FBXO25: variants seen among roughly 807,000 people sequenced by gnomAD.
FBXO25 encodes the protein F-box protein 25.
FBXO25 carries 45 observed loss-of-function variants against 51.9 expected under a neutral mutation model. The observed-to-expected ratio is 0.87, with a 90% CI of 0.68 to 1.11. FBXO25 has a LOEUF of 1.11. Among genes scored for constraint, FBXO25 ranks in the 50% most tolerant of loss-of-function variants. The pLI is 0.00. For synonymous variants in FBXO25, 199 were observed against 151.0 expected (o/e 1.32, Z -2.33); for missense variants, 507 against 428.5 (o/e 1.18, Z -1.62).
intron 7 of FBXO25, among the ~76,000 whole-genome samples, chr8:454,822 C>T (rs893951000): frequency 6.8e-6 from 1 of 146,932 alleles, no homozygotes; most frequent in Non-Finnish European, 1.5e-5. Flanking sequence ...ACCCAGGAAG[C>T]AGAGGTTGCA....
rs1798021003 is a variant in FBXO25, at chr8:435,033, A to G, written c.289-582A>G. Reference sequence around the variant, plus strand: ...CCTCTCCATCCCAATGCTGGTTTTCAGAAGCACCTTCTTGCTACCGAAGCA... The same window carrying G: ...CCTCTCCATCCCAATGCTGGTTTTCGGAAGCACCTTCTTGCTACCGAAGCA... On this transcript the variant is annotated intron_variant, in intron 4 of 9. Coordinates refer to ENST00000350302, the MANE Select transcript of FBXO25 (RefSeq NM_183420.2). Among the ~76,000 whole-genome samples the G allele has an allele frequency of 2.6e-5, 4 of 152,136 alleles. No individual in the cohort carries two copies. In the South Asian group the frequency reaches 6.2e-4, roughly 24 times the overall value.
At chr8:446,687 T>C (rs1798757927) in intron 5 of FBXO25, among the ~76,000 whole-genome samples, 2 of 152,224 alleles carry the variant, frequency 1.3e-5, no homozygotes, top group African/African-American at 4.8e-5. Context: ...AATTTTAACA[T>C]TGGTCTTCTC....
chr8:409,564 G>C (rs562804535), intron 1 of FBXO25, among the ~76,000 whole-genome samples: 1 of 152,308 alleles, frequency 6.6e-6, no homozygotes, highest in Admixed American at 6.5e-5. Context: ...ATGTTATAAA[G>C]ATTGTGAAAC....
At chr8:442,107 T>A (rs531035122) in intron 5 of FBXO25, among the ~76,000 whole-genome samples, 1 of 152,218 alleles carries the variant, frequency 6.6e-6, no homozygotes, top group African/African-American at 2.4e-5. Context: ...CTCTGGTGAG[T>A]GTTGTTTTAA....
chr8:451,385 A>G lies in FBXO25; in HGVS notation c.592A>G (p.Ile198Val), dbSNP rs776934257. ...GTCTGTATTAGTGGGAAACATCAAT[A>G]TTTGGATTTGCCGATTAGAAACTAT... is the stretch of plus-strand genomic sequence containing the variant. ...GKSVLVGNIN[I>V]WICRLETILA... is the part of the protein sequence containing the mutation. The change falls in exon 7 of 10, where the codon ATT becomes GTT. Residue 198 changes from isoleucine (I) to valine (V), a missense_variant. Transcript: ENST00000350302. 16 of 1,614,048 alleles carry G rather than the reference A, an allele frequency of 9.9e-6. No homozygotes were observed. Among genetic ancestry groups the G allele is most frequent in the Middle Eastern group, 1.7e-4 (1 of 6,058 alleles).
At chr8:429,972 C>T (rs1167194187) in intron 2 of FBXO25, among the ~76,000 whole-genome samples, 1 of 152,238 alleles carries the variant, frequency 6.6e-6, no homozygotes, top group Non-Finnish European at 1.5e-5. Flanking sequence ...GAGTTGGTTC[C>T]AGCTCAGTGT....
intron 8 of FBXO25, among the ~76,000 whole-genome samples, chr8:459,326 C>T (rs1157999307): frequency 6.6e-6 from 1 of 152,188 alleles, no homozygotes; most frequent in Non-Finnish European, 1.5e-5. Flanking sequence ...CATAGCCTAC[C>T]CTTGGAATGC....
chr8:425,540 C>T (rs913209997), intron 2 of FBXO25, among the ~76,000 whole-genome samples: 5 of 151,488 alleles, frequency 3.3e-5, no homozygotes, highest in South Asian at 2.1e-4. Flanking sequence ...AATAATTCCC[C>T]TCTTTCTTTT....
intron 5 of FBXO25, among the ~76,000 whole-genome samples, chr8:441,168 A>G (rs527513204): frequency 1.3e-5 from 2 of 152,184 alleles, no homozygotes; most frequent in South Asian, 2.1e-4. Flanking sequence ...CAAAACAGAT[A>G]TATAGACCAA....
At chr8:467,853 C>A in intron 9 of FBXO25, 1 of 1,589,414 alleles carries the variant, frequency 6.3e-7, no homozygotes, top group South Asian at 1.1e-5. Context: ...TTCCAGCTCT[C>A]GCTGACTTGA....
rs1302831003 is a variant in FBXO25, at chr8:476,122, A to T, written c.*7318A>T. ...AAATGCTTTTTCTCCATCAATGGAGATCACATTTTTTTCCTTCATTCTATT... is the reference window on the plus strand; with the variant it reads ...AAATGCTTTTTCTCCATCAATGGAGTTCACATTTTTTTCCTTCATTCTATT... On this transcript the variant is annotated 3_prime_UTR_variant, in exon 10 of 10. Coordinates refer to ENST00000350302, the MANE Select transcript of FBXO25 (RefSeq NM_183420.2). 6.6e-6 allele frequency: 1 copy of T among 151,996 alleles called. No homozygotes were observed. Among genetic ancestry groups the T allele is most frequent in the Non-Finnish European group, 1.5e-5 (1 of 67,992 alleles). 9.4% of individuals were successfully genotyped at this position (151,996 alleles called of 1,614,324 possible).
intron 8 of FBXO25, among the ~76,000 whole-genome samples, chr8:461,093 G>T (rs1027018356): frequency 6.6e-6 from 1 of 152,164 alleles, no homozygotes; most frequent in Non-Finnish European, 1.5e-5. Flanking sequence ...TTTTGTTTCA[G>T]GCTTTTGTAT....
intron 2 of FBXO25, among the ~76,000 whole-genome samples, chr8:426,270 A>G (rs1248431430): frequency 6.6e-6 from 1 of 152,178 alleles, no homozygotes; most frequent in Admixed American, 6.5e-5. Flanking sequence ...ACTCATAAAA[A>G]ATATGTGTGA....
chr8:444,194 G>T (rs1439152148), intron 5 of FBXO25, among the ~76,000 whole-genome samples: 1 of 152,254 alleles, frequency 6.6e-6, no homozygotes, highest in African/African-American at 2.4e-5. Flanking sequence ...CAAAGGCGAA[G>T]ATTGAGCAAA....
At chr8:410,200 G>A (rs1413852625) in intron 1 of FBXO25, among the ~76,000 whole-genome samples, 1 of 152,174 alleles carries the variant, frequency 6.6e-6, no homozygotes, top group African/African-American at 2.4e-5. Flanking sequence ...CTGTATGTAT[G>A]TATACATGCA....
At chr8:453,865 G>A (rs1307420395) in intron 7 of FBXO25, among the ~76,000 whole-genome samples, 1 of 152,090 alleles carries the variant, frequency 6.6e-6, no homozygotes, top group Admixed American at 6.5e-5. Context: ...GCCCACACCT[G>A]TAATCCCAGC....
Position 473,465 on chromosome 8 carries a change from C to T in FBXO25, c.*4661C>T, listed in dbSNP as rs996771812. On this transcript the variant is annotated 3_prime_UTR_variant, in exon 10 of 10. Transcript: ENST00000350302. Reference sequence around the variant, plus strand: ...AAGGAGTTGCTCCCCAGGGCACCTGCCCCAATACAGGCCACGTGGATCTGC... The same window carrying T: ...AAGGAGTTGCTCCCCAGGGCACCTGTCCCAATACAGGCCACGTGGATCTGC... The T allele has an allele frequency of 3.9e-5, 6 of 152,332 alleles. No individual in the cohort carries two copies. The highest frequency in any genetic ancestry group is 3.9e-4 in the Admixed American group (6 of 15,292). 9.4% of individuals were successfully genotyped at this position (152,332 alleles called of 1,614,324 possible).
intron 2 of FBXO25, among the ~76,000 whole-genome samples, chr8:426,233 G>A (rs1347391546): frequency 6.6e-6 from 1 of 152,112 alleles, no homozygotes; most frequent in Non-Finnish European, 1.5e-5. Flanking sequence ...TCAGCTCCTG[G>A]TCACTGTACT....
intron 5 of FBXO25, among the ~76,000 whole-genome samples, chr8:445,760 A>C (rs528181881): frequency 6.6e-6 from 1 of 152,344 alleles, no homozygotes; most frequent in Non-Finnish European, 1.5e-5. Context: ...AATGCCAGCT[A>C]CTGGGGAAGC....
Sources: allele counts gnomAD v4.1 joint callset (sites outside exome capture counted in the v4.1 genomes callset), GRCh38; gene constraint gnomAD v4.1.1; transcripts MANE v1.5; gene names NCBI Gene and HGNC (gene_info 2026-07-23, HGNC 2026-07-21).